The following CD96 variants were observed in gnomAD, a reference collection of about 807,000 sequenced individuals.
The protein encoded by CD96 is T-cell surface protein tactile.
In CD96, 70 loss-of-function variants were observed where a neutral mutation model predicts 71.3. That is an observed-to-expected ratio of 0.98 (90% CI 0.81 to 1.20). The LOEUF (loss-of-function observed/expected upper bound fraction) is 1.20. CD96 is among the 50% of genes most tolerant of loss of function. The pLI, the probability that CD96 is intolerant of heterozygous loss-of-function variation, is 0.00. For synonymous variants in CD96, 248 were observed against 233.0 expected (o/e 1.06, Z -0.59); for missense variants, 742 against 677.5 (o/e 1.10, Z -1.06).
chr3:111,561,731 C>T (rs1201966827), intron 2 of CD96, among the ~76,000 whole-genome samples: 2 of 144,492 alleles, frequency 1.4e-5, no homozygotes. Flanking sequence ...CTGTGGTGGG[C>T]TCCACCCAGT....
At chr3:111,605,779 G>A (rs1296886271) in intron 7 of CD96, among the ~76,000 whole-genome samples, 1 of 152,172 alleles carries the variant, frequency 6.6e-6, no homozygotes, top group Non-Finnish European at 1.5e-5. Context: ...GTGACATAAT[G>A]TAAGTAAAAT....
At chr3:111,638,852 G>A (rs929430147) in intron 12 of CD96, among the ~76,000 whole-genome samples, 2 of 152,168 alleles carry the variant, frequency 1.3e-5, no homozygotes, top group African/African-American at 2.4e-5. Flanking sequence ...GCACTACAAA[G>A]ATTTTAATAT....
At chr3:111,660,681 G>A (rs536139112) in intron 14 of CD96, among the ~76,000 whole-genome samples, 35 of 152,098 alleles carry the variant, frequency 2.3e-4, no homozygotes, top group East Asian at 7.7e-4. Context: ...ACATAAACCC[G>A]TGCAACAGAA....
At chr3:111,567,461 T>C in intron 2 of CD96, 62 bp from the exon 3 acceptor site, 1 of 1,443,318 alleles carries the variant, frequency 6.9e-7, no homozygotes, top group Admixed American at 1.7e-5. Flanking sequence ...GTCTCTTTGA[T>C]AAAAAGCACT....
rs1940028414 is a variant in CD96 at position 111,650,502 on chromosome 3, T to A, written c.*696T>A. ...TAGAAGATACAAAACTCCACTGGCCTCTAAAATTATATTAGCCAAGAGTGG... is the reference window on the plus strand; with the variant it reads ...TAGAAGATACAAAACTCCACTGGCCACTAAAATTATATTAGCCAAGAGTGG... On this transcript the variant is annotated 3_prime_UTR_variant, in exon 14 of 14. Coordinates refer to ENST00000352690, the MANE Select transcript of CD96 (RefSeq NM_005816.5). 1 of 152,732 alleles carries A rather than the reference T, an allele frequency of 6.5e-6. No individual in the cohort carries two copies. Among genetic ancestry groups the A allele is most frequent in the African/African-American group, 2.4e-5 (1 of 41,450 alleles). The allele number at this position is 152,732 out of a possible 1,614,324, so 9.5% of individuals were successfully genotyped here. A position where few individuals can be genotyped will look rare whatever the true frequency, so the allele number is the denominator to read the frequency against.
intron 2 of CD96, among the ~76,000 whole-genome samples, chr3:111,561,744 G>T (rs1315734370): frequency 6.8e-5 from 10 of 146,456 alleles, no homozygotes; most frequent in African/African-American, 2.5e-4. Context: ...CACCCAGTTC[G>T]AGCTTCCCGG....
intron 7 of CD96, among the ~76,000 whole-genome samples, chr3:111,603,473 G>A (rs1576376883): frequency 6.6e-6 from 1 of 152,026 alleles, no homozygotes; most frequent in Non-Finnish European, 1.5e-5. Flanking sequence ...CGCCCTGCTA[G>A]CATGTCAAAA....
At chr3:111,564,544 A>G (rs1935613133) in intron 2 of CD96, among the ~76,000 whole-genome samples, 1 of 152,028 alleles carries the variant, frequency 6.6e-6, no homozygotes, top group Non-Finnish European at 1.5e-5. Flanking sequence ...CACTGGACTC[A>G]TTGGGAACTT....
At chr3:111,604,455 A>G (rs566596357) in intron 7 of CD96, among the ~76,000 whole-genome samples, 1 of 152,340 alleles carries the variant, frequency 6.6e-6, no homozygotes, top group Non-Finnish European at 1.5e-5. Flanking sequence ...TGACCAAGGC[A>G]GAGTTTCCAC....
chr3:111,567,421 C>T (rs1935769945), intron 2 of CD96, 102 bp from the exon 3 acceptor site: 4 of 895,024 alleles, frequency 4.5e-6, no homozygotes, highest in Non-Finnish European at 7.3e-6. Flanking sequence ...ACCCTGAGGA[C>T]AGATGAATCC....
At chr3:111,653,249 G>A (rs74864751), downstream of CD96, among the ~76,000 whole-genome samples, 4,192 of 152,206 alleles carry the variant, frequency 0.028, 224 homozygotes, top group African/African-American at 0.097. Flanking sequence ...ACCCAAGGCT[G>A]GTCCAGTCCA....
intron 3 of CD96, chr3:111,577,494 T>C (rs1249340228): frequency 6.9e-6 from 11 of 1,596,578 alleles, no homozygotes; most frequent in Non-Finnish European, 9.5e-6. Flanking sequence ...TTTGCTCTTC[T>C]TCCTTAGGAA....
chr3:111,636,696 G>A (rs1939345122), intron 10 of CD96, among the ~76,000 whole-genome samples: 1 of 152,246 alleles, frequency 6.6e-6, no homozygotes. Context: ...GACCCCAGGG[G>A]TCTGATAATT....
At chr3:111,556,099 A>G (rs1169985381) in intron 2 of CD96, among the ~76,000 whole-genome samples, 13 of 152,290 alleles carry the variant, frequency 8.5e-5, no homozygotes, top group Admixed American at 3.3e-4. Context: ...ACTCTAAAAT[A>G]TACATTTGCT....
At chr3:111,663,742 T>C (rs1940410703) in intron 14 of CD96, among the ~76,000 whole-genome samples, 1 of 137,158 alleles carries the variant, frequency 7.3e-6, no homozygotes, top group South Asian at 2.4e-4. Context: ...AGAAAAGAAA[T>C]GCTTATACAC....
Position 111,647,905 on chromosome 3 carries a change from T to C in CD96, c.1601+239T>C, listed in dbSNP as rs556214509. 9.2e-5 allele frequency among the ~76,000 whole-genome samples: 14 copies of C among 152,258 alleles called. No homozygotes were observed. In the South Asian group the frequency reaches 2.9e-3, roughly 32 times the overall value. ...TAGTCAGGCTGTAACATTCGTCAGA[T>C]AGAGCAAGTCCGTGGACATGAAATG... On this transcript the variant is annotated intron_variant, in intron 13 of 13. Transcript: ENST00000352690.
chr3:111,581,618 G>T (rs1398750), intron 4 of CD96, among the ~76,000 whole-genome samples: 13,454 of 152,196 alleles, frequency 0.088, 879 homozygotes, highest in East Asian at 0.23. Context: ...TCCTTGGCAG[G>T]GAGTCACCTG....
chr3:111,601,598 G>A (rs1347448021), intron 7 of CD96, among the ~76,000 whole-genome samples: 1 of 152,168 alleles, frequency 6.6e-6, no homozygotes, highest in Non-Finnish European at 1.5e-5. Context: ...AGATATGCCT[G>A]AAGAAAAATA....
intron 7 of CD96, among the ~76,000 whole-genome samples, chr3:111,604,503 G>A (rs1010932247): frequency 6.6e-6 from 1 of 152,080 alleles, no homozygotes; most frequent in Non-Finnish European, 1.5e-5. Context: ...ACATGTTTAG[G>A]TCCCACATTT....
Sources: gnomAD v4.1 joint callset for allele counts (sites outside exome capture counted in the v4.1 genomes callset) on GRCh38, gnomAD v4.1.1 for gene constraint, MANE v1.5 for transcripts, NCBI Gene and HGNC (gene_info 2026-07-23, HGNC 2026-07-21) for gene names.